SCAMP1: variants seen among roughly 807,000 people sequenced by gnomAD.
SCAMP1 encodes secretory carrier-associated membrane protein 1.
A neutral mutation model predicts 41.8 loss-of-function variants in SCAMP1; 15 were observed. That is an observed-to-expected ratio of 0.36 (90% CI 0.24 to 0.55). The LOEUF is 0.55. Ranked by LOEUF, SCAMP1 falls within the 20% of genes least tolerant of loss-of-function variation. The pLI is 0.86. For missense variants in SCAMP1, 341 were observed against 412.6 expected (o/e 0.83, Z 1.50); for synonymous variants, 135 against 136.8 (o/e 0.99, Z 0.09).
chr5:78,379,595 A>C (rs760948036), intron 1 of SCAMP1, among the ~76,000 whole-genome samples: 1 of 152,208 alleles, frequency 6.6e-6, no homozygotes, highest in Non-Finnish European at 1.5e-5. Flanking sequence ...AATTTCTAGA[A>C]TCTAGAAGGA....
At chr5:78,436,136 T>G (rs1752746940) in intron 6 of SCAMP1, among the ~76,000 whole-genome samples, 1 of 152,228 alleles carries the variant, frequency 6.6e-6, no homozygotes. Context: ...CTTTGTCAGA[T>G]GGGTAAATTG....
chr5:78,367,950 G>T (rs542307154), intron 1 of SCAMP1, among the ~76,000 whole-genome samples: 1 of 152,222 alleles, frequency 6.6e-6, no homozygotes, highest in South Asian at 2.1e-4. Context: ...CCTCTGAGAG[G>T]TCCTTTATTT....
At position 78,479,365 on chromosome 5, in the gene SCAMP1, TTAGAG is replaced by T. The variant is rs1472345423; in HGVS notation, c.*3702_*3706del. Among the ~76,000 whole-genome samples the T allele has an allele frequency of 6.6e-6, 1 of 152,320 alleles. No individual in the cohort carries two copies. Among genetic ancestry groups the T allele is most frequent in the East Asian group, 1.9e-4 (1 of 5,190 alleles). On this transcript the variant is annotated 3_prime_UTR_variant, in exon 9 of 9. Transcript: ENST00000621999. Reference sequence around the variant, plus strand: ...TTAAAGTACAATAGTATACATTTATTTAGAGTAGACTAATGTGTTTAAAACATGAG... The same window carrying T: ...TTAAAGTACAATAGTATACATTTATTTAGACTAATGTGTTTAAAACATGAG...
chr5:78,403,741 G>A (rs1022790918), intron 2 of SCAMP1, among the ~76,000 whole-genome samples: 6 of 152,038 alleles, frequency 3.9e-5, no homozygotes, highest in Non-Finnish European at 5.9e-5. Flanking sequence ...TGAGGCGGGC[G>A]AATCACTTGA....
At chr5:78,441,643 G>A (rs886369702) in intron 6 of SCAMP1, among the ~76,000 whole-genome samples, 14 of 152,072 alleles carry the variant, frequency 9.2e-5, no homozygotes, top group Non-Finnish European at 1.8e-4. Flanking sequence ...GCAAAACCCC[G>A]TCTCTACTAA....
intron 6 of SCAMP1, among the ~76,000 whole-genome samples, chr5:78,431,628 G>A (rs556242464): frequency 2.2e-5 from 3 of 134,926 alleles, no homozygotes; most frequent in African/African-American, 8.5e-5. Flanking sequence ...CTGTTTTTTA[G>A]TGATGCCCTA....
intron 8 of SCAMP1, among the ~76,000 whole-genome samples, chr5:78,470,261 C>G (rs1352305756): frequency 1.3e-5 from 2 of 152,084 alleles, no homozygotes; most frequent in African/African-American, 2.4e-5. Context: ...TGTTGTACAA[C>G]CATTACTAAT....
intron 6 of SCAMP1, among the ~76,000 whole-genome samples, chr5:78,444,053 G>T (rs1752996156): frequency 6.6e-6 from 1 of 152,036 alleles, no homozygotes; most frequent in South Asian, 2.1e-4. Context: ...CACTGTTGTG[G>T]TAAGGGGCAG....
intron 7 of SCAMP1, among the ~76,000 whole-genome samples, chr5:78,458,263 C>G (rs1753486083): frequency 6.6e-6 from 1 of 152,182 alleles, no homozygotes. Context: ...AATGCTTGTG[C>G]TATTTTACAC....
intron 1 of SCAMP1, among the ~76,000 whole-genome samples, chr5:78,383,430 G>A (rs928708567): frequency 3.3e-5 from 5 of 152,042 alleles, no homozygotes; most frequent in African/African-American, 1.2e-4. Flanking sequence ...AAGCTTTTTA[G>A]TTTAATTAAG....
At chr5:78,469,882 C>G (rs1352368868) in intron 8 of SCAMP1, among the ~76,000 whole-genome samples, 1 of 70,964 alleles carries the variant, frequency 1.4e-5, no homozygotes, top group Non-Finnish European at 2.7e-5. Context: ...CAACCCCTTA[C>G]AAGACATTAA....
At chr5:78,431,915 C>G (rs1311784506) in intron 6 of SCAMP1, among the ~76,000 whole-genome samples, 3 of 151,894 alleles carry the variant, frequency 2.0e-5, no homozygotes, top group African/African-American at 7.3e-5. Flanking sequence ...AATAATTACA[C>G]TATGGAAAAA....
chr5:78,366,678 C>A (rs1750804192), intron 1 of SCAMP1, among the ~76,000 whole-genome samples: 1 of 152,158 alleles, frequency 6.6e-6, no homozygotes, highest in South Asian at 2.1e-4. Flanking sequence ...TGATTTCACT[C>A]CTCCCTTATC....
intron 2 of SCAMP1, among the ~76,000 whole-genome samples, chr5:78,404,371 G>A (rs1456492224): frequency 6.7e-6 from 1 of 149,832 alleles, no homozygotes; most frequent in Non-Finnish European, 1.5e-5. Flanking sequence ...GGTCTCAAAC[G>A]CCTGGGCTCA....
chr5:78,439,719 C>G (rs1048653365), intron 6 of SCAMP1, among the ~76,000 whole-genome samples: 1 of 152,126 alleles, frequency 6.6e-6, no homozygotes, highest in Non-Finnish European at 1.5e-5. Flanking sequence ...CAGGTAGTAT[C>G]TGTGTGGCGT....
At chr5:78,401,890 T>C (rs1751807730) in intron 2 of SCAMP1, among the ~76,000 whole-genome samples, 1 of 152,188 alleles carries the variant, frequency 6.6e-6, no homozygotes, top group Non-Finnish European at 1.5e-5. Context: ...TGCTCTTCTT[T>C]TTCTAATTTC....
chr5:78,413,694 A>C (rs1344359838), intron 2 of SCAMP1, among the ~76,000 whole-genome samples: 1 of 152,172 alleles, frequency 6.6e-6, no homozygotes, highest in Non-Finnish European at 1.5e-5. Context: ...CTGGGATTAC[A>C]AGTGTGAGCC....
chr5:78,426,144 C>T (rs1297173757), intron 6 of SCAMP1, among the ~76,000 whole-genome samples: 3 of 152,168 alleles, frequency 2.0e-5, no homozygotes, highest in Admixed American at 2.0e-4. Context: ...TTTATGGCTA[C>T]ATAGTATTCC....
chr5:78,450,564 G>T (rs1340599282), intron 7 of SCAMP1, among the ~76,000 whole-genome samples: 3 of 152,164 alleles, frequency 2.0e-5, no homozygotes, highest in African/African-American at 7.2e-5. Flanking sequence ...CTCAGAAATG[G>T]AGACTATCTG....
Sources: allele counts gnomAD v4.1 joint callset (sites outside exome capture counted in the v4.1 genomes callset), GRCh38; gene constraint gnomAD v4.1.1; transcripts MANE v1.5; gene names NCBI Gene and HGNC (gene_info 2026-07-23, HGNC 2026-07-21).